MICAL2: variants seen among roughly 807,000 people sequenced by gnomAD.
MICAL2 encodes [F-actin]-monooxygenase MICAL2.
Under a neutral mutation model 127.3 loss-of-function variants are expected in MICAL2, and 77 were observed. The observed-to-expected ratio is 0.60, with a 90% CI of 0.50 to 0.73. The LOEUF is 0.73. MICAL2 is among the 30% of genes least tolerant of loss of function. MICAL2 has a pLI of 0.00. For missense variants in MICAL2, 1,351 were observed against 1,434.4 expected (o/e 0.94, Z 0.94); for synonymous variants, 570 against 551.1 (o/e 1.03, Z -0.48).
At chr11:12,318,361 A>G (rs1864254286) in intron 29 of MICAL2, among the ~76,000 whole-genome samples, 1 of 152,242 alleles carries the variant, frequency 6.6e-6, no homozygotes, top group South Asian at 2.1e-4. Context: ...TCCTCCCATT[A>G]TTATACTGCT....
rs527630580 is a variant in MICAL2, at chr11:12,168,978, A to G, written c.264+6559A>G. ...AAAAAAAAAAAGAAAAGAAAAGAAAAGAGAGAGAAAAAAAAAGACAAGACA... is the reference window on the plus strand; with the variant it reads ...AAAAAAAAAAAGAAAAGAAAAGAAAGGAGAGAGAAAAAAAAAGACAAGACA... On this transcript the variant is annotated intron_variant, in intron 3 of 27. Transcript: ENST00000683283. 1.1e-3 allele frequency among the ~76,000 whole-genome samples: 154 copies of G among 137,806 alleles called. 1 individual carries two copies. Among genetic ancestry groups the G allele is most frequent in the African/African-American group, 3.6e-3 (142 of 39,206 alleles). The allele number at this position is 137,806 out of a possible 152,430, so 90.4% of individuals were successfully genotyped here.
At chr11:12,246,481 G>A (rs1253625452) in intron 21 of MICAL2, among the ~76,000 whole-genome samples, 1 of 152,368 alleles carries the variant, frequency 6.6e-6, no homozygotes, top group African/African-American at 2.4e-5. Context: ...CCTTCACTGG[G>A]CTGGGAGCTA....
chr11:12,197,203 G>A (rs1458708745), intron 3 of MICAL2, among the ~76,000 whole-genome samples: 1 of 152,178 alleles, frequency 6.6e-6, no homozygotes, highest in African/African-American at 2.4e-5. Context: ...AACCTGGAAG[G>A]ATTAATATAG....
intron 3 of MICAL2, among the ~76,000 whole-genome samples, chr11:12,171,512 A>T (rs12788047): frequency 0.019 from 2,884 of 152,272 alleles, 32 homozygotes; most frequent in Non-Finnish European, 0.029. Context: ...ACTTGATGTG[A>T]ATGTATCTGT....
At chr11:12,297,510 G>A (rs993324486) in intron 29 of MICAL2, among the ~76,000 whole-genome samples, 1 of 151,924 alleles carries the variant, frequency 6.6e-6, no homozygotes, top group African/African-American at 2.4e-5. Flanking sequence ...CTTTTCTTAT[G>A]TAAAATTTCT....
At chr11:12,294,664 C>T (rs189397722), downstream of MICAL2, 2,304 of 1,614,114 alleles carry the variant, frequency 1.4e-3, 2 homozygotes, top group Non-Finnish European at 1.8e-3. Flanking sequence ...AGAGTTTCCT[C>T]CAAGAATCCA....
chr11:12,166,012 G>A (rs550502326), intron 3 of MICAL2, among the ~76,000 whole-genome samples: 2 of 152,332 alleles, frequency 1.3e-5, no homozygotes, highest in Non-Finnish European at 2.9e-5. Flanking sequence ...TTTCAGGATT[G>A]ATAACTGGCT....
chr11:12,249,975 G>A (rs1286881188), intron 22 of MICAL2: 1 of 152,338 alleles, frequency 6.6e-6, no homozygotes, highest in Non-Finnish European at 1.5e-5. Context: ...GCAGTGTGAG[G>A]AACGCTCTGA....
rs190380899 is a variant in MICAL2, at chr11:12,149,666, G to A, written c.-78+11206G>A. On this transcript the variant is annotated intron_variant, in intron 2 of 27. Coordinates refer to ENST00000683283, the MANE Select transcript of MICAL2 (RefSeq NM_001282663.2). Reference sequence around the variant, plus strand: ...TCGAAGGATTTGGCTGCAGAGTCACGATGGTGCTGCTCACTGAGGTTGGGG... The same window carrying A: ...TCGAAGGATTTGGCTGCAGAGTCACAATGGTGCTGCTCACTGAGGTTGGGG... Among the ~76,000 whole-genome samples, 56 of 152,326 alleles carry A rather than the reference G, an allele frequency of 3.7e-4. 2 individuals carry two copies. In the South Asian group the frequency reaches 0.011, roughly 29 times the overall value.
intron 2 of MICAL2, among the ~76,000 whole-genome samples, chr11:12,158,010 C>T (rs756865703): frequency 5.3e-5 from 8 of 151,858 alleles, no homozygotes; most frequent in Admixed American, 2.0e-4. Flanking sequence ...AATGGAAGGC[C>T]CTTGTCCTCT....
At chr11:12,202,610 C>T (rs1050272504) in intron 3 of MICAL2, among the ~76,000 whole-genome samples, 1 of 152,214 alleles carries the variant, frequency 6.6e-6, no homozygotes, top group African/African-American at 2.4e-5. Context: ...ATTAGCTTTT[C>T]CGTCTGGGCT....
intron 5 of MICAL2, among the ~76,000 whole-genome samples, chr11:12,208,872 T>A (rs181273542): frequency 8.5e-5 from 13 of 152,360 alleles, no homozygotes; most frequent in Non-Finnish European, 1.3e-4. Context: ...TCCTGTCCTC[T>A]GCCCAGATTA....
downstream of MICAL2, among the ~76,000 whole-genome samples, chr11:12,362,068 T>G (rs1245341592): frequency 6.6e-6 from 1 of 152,250 alleles, no homozygotes; most frequent in Non-Finnish European, 1.5e-5. Context: ...TGGATGGAAA[T>G]GTGTTATTTG....
intron 1 of MICAL2, among the ~76,000 whole-genome samples, chr11:12,124,953 C>T (rs1850794485): frequency 6.6e-6 from 1 of 152,216 alleles, no homozygotes; most frequent in African/African-American, 2.4e-5. Context: ...ACCCATTCCA[C>T]CATTGTTGTG....
At chr11:12,275,501 G>T (rs567565589), upstream of MICAL2, among the ~76,000 whole-genome samples, 1 of 152,314 alleles carries the variant, frequency 6.6e-6, no homozygotes, top group East Asian at 1.9e-4. Context: ...GGAAATGAAG[G>T]AGATAGCCAG....
intron 33 of MICAL2, among the ~76,000 whole-genome samples, chr11:12,351,113 T>C (rs1019646409): frequency 2.6e-5 from 4 of 152,236 alleles, no homozygotes; most frequent in Non-Finnish European, 5.9e-5. Context: ...CTTAAGATCC[T>C]TAACTTAATT....
At chr11:12,293,484 G>A, downstream of MICAL2, 1 of 1,491,898 alleles carries the variant, frequency 6.7e-7, no homozygotes, top group Non-Finnish European at 9.0e-7. Context: ...GGGGGTTGTA[G>A]ATTGAGATTT....
chr11:12,304,637 A>AAC lies in MICAL2; in HGVS notation c.5212+9836_5212+9837dup, dbSNP rs57280679. 4.7e-4 allele frequency among the ~76,000 whole-genome samples: 61 copies of AAC among 128,882 alleles called. 1 individual carries two copies. Among genetic ancestry groups the AAC allele is most frequent in the East Asian group, 1.3e-3 (5 of 3,946 alleles). 84.6% of individuals were successfully genotyped at this position (128,882 alleles called of 152,430 possible). A position where few individuals can be genotyped will look rare whatever the true frequency, so the allele number is the denominator to read the frequency against. On this transcript the variant is annotated intron_variant, in intron 29 of 34. Transcript: ENST00000646065. ...GCAACAAGAGCGAAACTCTGTCTCAAACACACACACACACACACACACACA... is the reference window on the plus strand; with the variant it reads ...GCAACAAGAGCGAAACTCTGTCTCAAACACACACACACACACACACACACACA...
chr11:12,259,978 C>A lies in MICAL2; in HGVS notation c.3334+81C>A, dbSNP rs1337683543. ...GGACCTGTGTAACTGGATGCAGGGA[C>A]TCCTGCAAGCTGCTGGCCTCCATAT... On this transcript the variant is annotated intron_variant, in intron 26 of 27. Coordinates refer to ENST00000683283, the MANE Select transcript of MICAL2 (RefSeq NM_001282663.2). 5 of 1,566,624 alleles carry A rather than the reference C, an allele frequency of 3.2e-6. No individual in the cohort carries two copies. The African/African-American group carries it at 4.1e-5, about 13-fold the overall frequency.
Sources: allele counts gnomAD v4.1 joint callset (sites outside exome capture counted in the v4.1 genomes callset), GRCh38; gene constraint gnomAD v4.1.1; transcripts MANE v1.5; gene names NCBI Gene and HGNC (gene_info 2026-07-23, HGNC 2026-07-21).